ATF1: variants seen among roughly 807,000 people sequenced by gnomAD.
ATF1 encodes activating transcription factor 1, also known as cyclic AMP-dependent transcription factor ATF-1.
A neutral mutation model predicts 34.7 loss-of-function variants in ATF1; 16 were observed. That is an observed-to-expected ratio of 0.46 (90% CI 0.31 to 0.70). The LOEUF (loss-of-function observed/expected upper bound fraction) is 0.70, where lower values mean the gene tolerates loss of function less well. ATF1 is among the 30% of genes least tolerant of loss of function. The pLI is 0.05. For synonymous variants in ATF1, 105 were observed against 113.1 expected, an observed-to-expected ratio of 0.93 and a Z score of 0.46; for missense variants, 255 against 321.6, an observed-to-expected ratio of 0.79 and a Z score of 1.58.
chr12:50,785,557 G>A (rs4768922), intron 2 of ATF1, among the ~76,000 whole-genome samples: 35,806 of 152,026 alleles, frequency 0.24, 4,983 homozygotes, highest in East Asian at 0.4. Flanking sequence ...TGTGGGGTCA[G>A]GCATATCTTA....
intron 2 of ATF1, among the ~76,000 whole-genome samples, chr12:50,791,162 T>C (rs976589220): frequency 6.6e-6 from 1 of 152,184 alleles, no homozygotes; most frequent in African/African-American, 2.4e-5. Flanking sequence ...ATAAATTTTA[T>C]ACAGAATTTC....
rs79902896 is a variant in ATF1 at position 50,803,793 on chromosome 12, A to C, written c.195-5663A>C. On this transcript the variant is annotated intron_variant, in intron 3 of 6. Transcript: ENST00000262053. Reference sequence around the variant, plus strand: ...TTAAAAAGCAATGAAGTGCTAATACATGCTACAACATGGATAAACCTTGAA... The same window carrying C: ...TTAAAAAGCAATGAAGTGCTAATACCTGCTACAACATGGATAAACCTTGAA... Among the ~76,000 whole-genome samples, 479 of 152,338 alleles carry C rather than the reference A, an allele frequency of 3.1e-3. 14 individuals are homozygous for C. The highest frequency in any genetic ancestry group is 0.03 in the East Asian group (158 of 5,190).
Position 50,780,207 on chromosome 12 carries a change from A to C in ATF1, c.62A>C (p.Gln21Pro). Residue 21 changes from glutamine to proline, a missense_variant, in exon 2 of 7, where the codon CAG (glutamine) becomes CCG (proline). Physicochemically the swap from Gln to Pro is moderately conservative, Grantham distance 76. This residue lies in a region of ATF1 where 221 missense variants were observed against 250.7 expected (regional missense o/e 0.88). Transcript: ENST00000262053. The part of the protein sequence containing the change: ...ETAPQPGSAV[Q>P]GAHISHIAQQ... Reference sequence around the variant, plus strand: ...GCACCTCAACCTGGTTCAGCAGTTCAGGGAGCTCACATTTCTCATATTGCT... The same window carrying C: ...GCACCTCAACCTGGTTCAGCAGTTCCGGGAGCTCACATTTCTCATATTGCT... 3 of 1,613,852 alleles carry C rather than the reference A, an allele frequency of 1.9e-6. No homozygotes were observed. Among genetic ancestry groups the C allele is most frequent in the Non-Finnish European group, 2.5e-6 (3 of 1,179,760 alleles).
intron 4 of ATF1, among the ~76,000 whole-genome samples, chr12:50,813,591 A>G (rs1183731986): frequency 2.0e-5 from 3 of 152,158 alleles, no homozygotes; most frequent in Non-Finnish European, 4.4e-5. Context: ...AGGCGGGTGA[A>G]TCACCTGGGG....
intron 2 of ATF1, among the ~76,000 whole-genome samples, chr12:50,784,203 A>G (rs1592177564): frequency 6.6e-6 from 1 of 152,158 alleles, no homozygotes; most frequent in African/African-American, 2.4e-5. Flanking sequence ...ACAGTATTTT[A>G]TAATAATTCA....
chr12:50,782,554 C>CTTT (rs1192258164), intron 2 of ATF1, among the ~76,000 whole-genome samples: 3 of 124,892 alleles, frequency 2.4e-5, no homozygotes, highest in African/African-American at 9.1e-5. Flanking sequence ...CACACCCGGC[C>CTTT]TTTTTTTTTT....
At chr12:50,796,133 C>T (rs965277707) in intron 3 of ATF1, 124 bp downstream of exon 3, 10 of 817,344 alleles carry the variant, frequency 1.2e-5, no homozygotes, top group African/African-American at 1.8e-5. Flanking sequence ...TTGGTTGGCC[C>T]TCGCCTATAA....
chr12:50,767,875 CTTT>C (rs956407793), intron 1 of ATF1, among the ~76,000 whole-genome samples: 5 of 142,226 alleles, frequency 3.5e-5, no homozygotes, highest in African/African-American at 5.1e-5. Context: ...TTTGCACTTT[CTTT>C]TTTTTTTTTT....
chr12:50,783,220 A>G (rs900285997), intron 2 of ATF1, among the ~76,000 whole-genome samples: 9 of 152,202 alleles, frequency 5.9e-5, no homozygotes, highest in Non-Finnish European at 1.2e-4. Context: ...GGGGTCCTCA[A>G]TAAGTTTGAG....
At chr12:50,817,022 CAAGGATTTGG>C (rs1265664088) in intron 6 of ATF1, among the ~76,000 whole-genome samples, 2 of 152,132 alleles carry the variant, frequency 1.3e-5, no homozygotes, top group East Asian at 3.8e-4. Flanking sequence ...CAAGAGTTGG[CAAGGATTTGG>C]AACAATGGTC....
chr12:50,796,033 C>G (rs1489581362), intron 3 of ATF1, 24 bp downstream of exon 3: 1 of 1,548,364 alleles, frequency 6.5e-7, no homozygotes, highest in South Asian at 1.2e-5. Flanking sequence ...TGTATGAAGC[C>G]CTGCATGTTA....
chr12:50,770,684 T>C (rs1402020610), intron 1 of ATF1, among the ~76,000 whole-genome samples: 1 of 152,204 alleles, frequency 6.6e-6, no homozygotes, highest in Non-Finnish European at 1.5e-5. Flanking sequence ...AATGGGAAAC[T>C]GGAGAGAGAA....
Position 50,819,988 on chromosome 12 carries a change from G to A in ATF1, c.*209G>A. ...TACGGGCACAACTGGAAGCTTTGTA[G>A]AAATTAAACATATTCAAGGAGCAAG... On this transcript the variant is annotated 3_prime_UTR_variant, in exon 7 of 7. Transcript: ENST00000262053. 5.2e-6 allele frequency: 2 copies of A among 384,988 alleles called. No individual in the cohort carries two copies. The highest frequency in any genetic ancestry group is 4.2e-5 in the East Asian group (1 of 23,904). 23.8% of individuals were successfully genotyped at this position (384,988 alleles called of 1,614,324 possible).
intron 1 of ATF1, among the ~76,000 whole-genome samples, chr12:50,771,185 T>C (rs928128972): frequency 6.6e-6 from 1 of 152,076 alleles, no homozygotes; most frequent in Non-Finnish European, 1.5e-5. Context: ...TTTATATTTT[T>C]AGTAGAGATA....
chr12:50,771,695 T>G (rs1275671659), intron 1 of ATF1, among the ~76,000 whole-genome samples: 7 of 152,090 alleles, frequency 4.6e-5, no homozygotes, highest in Admixed American at 3.3e-4. Context: ...CCCAGATGAT[T>G]AAGGCATTCT....
At chr12:50,794,358 A>T (rs2139669244) in intron 2 of ATF1, among the ~76,000 whole-genome samples, 1 of 151,696 alleles carries the variant, frequency 6.6e-6, no homozygotes, top group Non-Finnish European at 1.5e-5. Context: ...TGAGGTCAGG[A>T]GTTTGAGACC....
chr12:50,796,360 C>T (rs1314660218), intron 3 of ATF1, among the ~76,000 whole-genome samples: 3 of 152,202 alleles, frequency 2.0e-5, no homozygotes, highest in African/African-American at 7.2e-5. Flanking sequence ...TGTCACTGTG[C>T]TCCAGCCTGG....
chr12:50,785,808 C>T lies in ATF1; in HGVS notation c.93+5570C>T, dbSNP rs529811738. On this transcript the variant is annotated intron_variant, in intron 2 of 6. Transcript: ENST00000262053. The stretch of plus-strand genomic sequence containing the variant: ...TAACTCCCTGCCACGTGATCCTCTC[C>T]GTATGCAGTTCACAGCATAGCAGCC... Among the ~76,000 whole-genome samples, 57 of 152,270 alleles carry T rather than the reference C, an allele frequency of 3.7e-4. 1 individual carries two copies. The East Asian group carries it at 7.1e-3, about 19-fold the overall frequency.
At chr12:50,767,828 C>T (rs1940675884) in intron 1 of ATF1, among the ~76,000 whole-genome samples, 1 of 151,936 alleles carries the variant, frequency 6.6e-6, no homozygotes, top group Non-Finnish European at 1.5e-5. Flanking sequence ...GGAAGGTCAA[C>T]AGAGACTGCC....
Sources: allele counts gnomAD v4.1 joint callset (sites outside exome capture counted in the v4.1 genomes callset), GRCh38; gene constraint gnomAD v4.1.1; regional missense constraint gnomAD v4.1.1; transcripts MANE v1.5; gene names NCBI Gene and HGNC (gene_info 2026-07-23, HGNC 2026-07-21).